TENM2: variants seen among roughly 807,000 people sequenced by gnomAD.
The protein encoded by TENM2 is teneurin transmembrane protein 2.
A neutral mutation model predicts 245.2 loss-of-function variants in TENM2; 52 were observed. The ratio of observed to expected loss-of-function variants is 0.21; its 90% CI spans 0.17 to 0.27. The LOEUF is 0.27. TENM2 is among the 10% of genes least tolerant of loss of function. The pLI is 1.00. For missense variants in TENM2, 3,046 were observed against 3,666.8 expected (o/e 0.83, Z 4.37); for synonymous variants, 1,363 against 1,438.9 (o/e 0.95, Z 1.19).
the TENM2 span, among the ~76,000 whole-genome samples, chr5:167,078,541 A>G: frequency 6.6e-6 from 1 of 152,126 alleles, no homozygotes; most frequent in Non-Finnish European, 1.5e-5. Context: ...GTTAATAAGG[A>G]GTATGGGTAT....
In TENM2 at chr5:168,244,052, C is replaced by A. The variant is rs1046478780; in HGVS notation, c.5521-368C>A. ...CTCCCAGGTTCAAGTGATTCTCCTG[C>A]CTCAGCCTCCCAGTAGCTGGAACTA... On this transcript the variant is annotated intron_variant, in intron 25 of 28. Transcript: ENST00000518659. This position sits in a 1 kb window ranked among gnomAD's most constrained non-coding sequence, Gnocchi z 4.9. 6.6e-6 allele frequency among the ~76,000 whole-genome samples: 1 copy of A among 151,644 alleles called. No homozygotes were observed. Among genetic ancestry groups the A allele is most frequent in the African/African-American group, 2.4e-5 (1 of 41,262 alleles).
the TENM2 span, among the ~76,000 whole-genome samples, chr5:167,059,455 G>A: frequency 1.3e-5 from 2 of 152,118 alleles, no homozygotes; most frequent in African/African-American, 4.8e-5. Flanking sequence ...TCAGACGAAT[G>A]TTTCTACTAC....
intron 2 of TENM2, among the ~76,000 whole-genome samples, chr5:167,608,993 T>TAA (rs11378498): frequency 6.6e-6 from 1 of 151,874 alleles, no homozygotes; most frequent in Non-Finnish European, 1.5e-5. Context: ...TTAAATAATG[T>TAA]AAAAAAATGA....
At chr5:167,877,448 A>T (rs1561887748) in intron 3 of TENM2, among the ~76,000 whole-genome samples, 1 of 152,236 alleles carries the variant, frequency 6.6e-6, no homozygotes, top group Non-Finnish European at 1.5e-5. Flanking sequence ...TCCATTGTTG[A>T]TATTATGAAG....
chr5:167,178,593 G>A, the TENM2 span, among the ~76,000 whole-genome samples: 3 of 152,008 alleles, frequency 2.0e-5, no homozygotes, highest in African/African-American at 4.8e-5. Flanking sequence ...GTCTCCCACC[G>A]TTGTGTTAAG....
the TENM2 span, among the ~76,000 whole-genome samples, chr5:167,143,874 C>T: frequency 6.6e-6 from 1 of 152,074 alleles, no homozygotes; most frequent in Non-Finnish European, 1.5e-5. Flanking sequence ...GGCTTATATA[C>T]GAGATGCAGT....
chr5:167,541,172 T>A (rs2127604410), intron 2 of TENM2, among the ~76,000 whole-genome samples: 1 of 152,340 alleles, frequency 6.6e-6, no homozygotes, highest in South Asian at 2.1e-4. Flanking sequence ...TCCCTTCTTC[T>A]AATAAAACCT....
intron 20 of TENM2, chr5:168,214,818 A>G (rs562294007): frequency 1.9e-4 from 122 of 639,418 alleles, no homozygotes; most frequent in Non-Finnish European, 3.3e-4. Flanking sequence ...ATGGTGGGAA[A>G]TGAATTTTCT....
intron 2 of TENM2, among the ~76,000 whole-genome samples, chr5:167,686,155 T>C (rs1248654636): frequency 1.3e-5 from 2 of 152,224 alleles, no homozygotes. Flanking sequence ...CCACCATACT[T>C]GTCCCGTGGC....
At chr5:168,040,127 C>G (rs1788057708) in intron 5 of TENM2, among the ~76,000 whole-genome samples, 2 of 152,186 alleles carry the variant, frequency 1.3e-5, no homozygotes, top group South Asian at 4.1e-4. Flanking sequence ...CAACTATCAC[C>G]TTGTTCTCAT....
the TENM2 span, among the ~76,000 whole-genome samples, chr5:167,242,955 A>G: frequency 1.3e-5 from 2 of 152,290 alleles, no homozygotes; most frequent in Admixed American, 6.5e-5. Context: ...AGAATCTTTC[A>G]GAAGGAGTAG....
At chr5:167,489,838 T>C (rs1371381528) in intron 2 of TENM2, among the ~76,000 whole-genome samples, 1 of 152,214 alleles carries the variant, frequency 6.6e-6, no homozygotes, top group Non-Finnish European at 1.5e-5. Flanking sequence ...GAGAAAGTTC[T>C]TATTTTGTTA....
chr5:167,125,168 G>A, the TENM2 span, among the ~76,000 whole-genome samples: 3 of 152,326 alleles, frequency 2.0e-5, no homozygotes, highest in South Asian at 6.2e-4. Context: ...GATGTCAGTA[G>A]AGACATGGAG....
At chr5:167,179,962 T>A in the TENM2 span, among the ~76,000 whole-genome samples, 1 of 152,266 alleles carries the variant, frequency 6.6e-6, no homozygotes, top group African/African-American at 2.4e-5. Context: ...AGGATATTCA[T>A]GGAAAGGCAG....
chr5:167,608,999 AATG>A (rs1434743441), intron 2 of TENM2, among the ~76,000 whole-genome samples: 16 of 152,018 alleles, frequency 1.1e-4, no homozygotes, highest in Admixed American at 5.2e-4. Context: ...AATGTAAAAA[AATG>A]AATGGAGTGA....
At chr5:167,423,185 A>G (rs1763612617) in intron 2 of TENM2, among the ~76,000 whole-genome samples, 1 of 151,942 alleles carries the variant, frequency 6.6e-6, no homozygotes, top group Non-Finnish European at 1.5e-5. Flanking sequence ...TGTTCCTAAG[A>G]CTTGCAATTA....
the TENM2 span, among the ~76,000 whole-genome samples, chr5:167,203,664 C>A: frequency 6.6e-6 from 1 of 152,160 alleles, no homozygotes; most frequent in Non-Finnish European, 1.5e-5. Context: ...TTTCATGGAG[C>A]TCTCTTTGGT....
At chr5:168,055,484 G>A (rs778239673) in intron 6 of TENM2, among the ~76,000 whole-genome samples, 9 of 152,114 alleles carry the variant, frequency 5.9e-5, no homozygotes, top group Non-Finnish European at 1.2e-4. Flanking sequence ...TCTGACCATC[G>A]TATCTTAATA....
intron 25 of TENM2, among the ~76,000 whole-genome samples, chr5:168,235,423 T>C (rs1209502376): frequency 6.6e-6 from 1 of 152,220 alleles, no homozygotes; most frequent in Non-Finnish European, 1.5e-5. Flanking sequence ...CTGTTTGGGA[T>C]GATGATGTGG....
Sources: gnomAD v4.1 joint callset for allele counts (sites outside exome capture counted in the v4.1 genomes callset) on GRCh38, gnomAD v4.1.1 for gene constraint, Gnocchi (gnomAD v3.1) non-coding constraint, MANE v1.5 for transcripts, NCBI Gene and HGNC (gene_info 2026-07-23, HGNC 2026-07-21) for gene names.